GAREM2: variants seen among roughly 807,000 people sequenced by gnomAD.
GAREM2 encodes the protein GRB2 associated regulator of MAPK1 subtype 2.
GAREM2 carries 30 observed loss-of-function variants against 55.6 expected under a neutral mutation model. The observed-to-expected ratio is 0.54, with a 90% CI of 0.40 to 0.73. The LOEUF (loss-of-function observed/expected upper bound fraction) is 0.73, where lower values mean the gene tolerates loss of function less well. Ranked by LOEUF, GAREM2 falls within the 30% of genes least tolerant of loss-of-function variation. GAREM2 has a pLI of 0.00. For missense variants in GAREM2, 1,075 were observed against 1,257.7 expected, an observed-to-expected ratio of 0.85 and a Z score of 2.20; for synonymous variants, 550 against 569.1, an observed-to-expected ratio of 0.97 and a Z score of 0.48.
chr2:26,183,110 C>A lies in GAREM2; in HGVS notation c.384+13C>A. ...CTTCAGCGTCAAGGTCAGTCACTCC[C>A]TCACCAGGTGTGGTGTCCCCACACT... On this transcript the variant is annotated intron_variant, in intron 3 of 5. Coordinates refer to ENST00000401533, the MANE Select transcript of GAREM2 (RefSeq NM_001168241.2). 1 of 1,551,500 alleles carries A rather than the reference C, an allele frequency of 6.4e-7. No individual in the cohort carries two copies. Among genetic ancestry groups the A allele is most frequent in the East Asian group, 2.4e-5 (1 of 40,910 alleles).
the GAREM2 span, among the ~76,000 whole-genome samples, chr2:26,196,905 G>A: frequency 2.0e-5 from 3 of 152,078 alleles, no homozygotes; most frequent in Admixed American, 6.5e-5. Flanking sequence ...TGCCATCATT[G>A]AGCCTGCCTC....
chr2:26,186,034 T>C (rs1009676802), intron 4 of GAREM2, among the ~76,000 whole-genome samples, 155 bp from the exon 5 acceptor site: 27 of 152,226 alleles, frequency 1.8e-4, no homozygotes, highest in African/African-American at 6.0e-4. Context: ...GGTGGCTGGC[T>C]GACTGGATGA....
At chr2:26,200,334 A>T in the GAREM2 span, among the ~76,000 whole-genome samples, 3 of 152,038 alleles carry the variant, frequency 2.0e-5, no homozygotes, top group Admixed American at 2.0e-4. Flanking sequence ...TCATCCCTGA[A>T]TTACTGCTAT....
At chr2:26,189,770 G>A (rs967547088), downstream of GAREM2, 2 of 152,114 alleles carry the variant, frequency 1.3e-5, no homozygotes, top group African/African-American at 4.8e-5. Flanking sequence ...AATGATGTGG[G>A]TGTGTGGCCA....
chr2:26,184,816 G>T lies in GAREM2; in HGVS notation c.968G>T (p.Arg323Leu), dbSNP rs1179753994. The T allele has an allele frequency of 1.3e-6, 2 of 1,489,304 alleles. No homozygotes were observed. The highest frequency in any genetic ancestry group is 1.8e-6 in the Non-Finnish European group (2 of 1,127,544). The allele number at this position is 1,489,304 out of a possible 1,614,324, so 92.3% of individuals were successfully genotyped here. ...TTCCTGCTGCTCACGGACACGCCGC[G>T]CTTCGCGCTGCCGCAGGGCCTGCTG... is the stretch of plus-strand genomic sequence containing the variant. ...LHFLLLTDTP[R>L]FALPQGLLAG... Residue 323 changes from arginine to leucine, a missense_variant, in exon 4 of 6, where the codon CGC becomes CTC. By Grantham distance (102) the Arg-to-Leu change is moderately radical. Around this residue, in one of 6 missense-constraint regions of GAREM2, gnomAD observed 170 missense variants for 220.7 expected, o/e 0.77. Transcript: ENST00000401533.
the GAREM2 span, among the ~76,000 whole-genome samples, chr2:26,197,537 T>C: frequency 6.6e-6 from 1 of 152,226 alleles, no homozygotes; most frequent in African/African-American, 2.4e-5. Context: ...CATCTCACAC[T>C]AGTCATGGTA....
chr2:26,200,616 C>T, the GAREM2 span, among the ~76,000 whole-genome samples: 1 of 152,164 alleles, frequency 6.6e-6, no homozygotes, highest in Non-Finnish European at 1.5e-5. Context: ...TGACAGAGCT[C>T]CTACATGAAT....
In GAREM2 at chr2:26,185,049, C is replaced by A; in HGVS notation, c.1201C>A (p.Pro401Thr). The change falls in exon 4 of 6, where the codon CCC becomes ACC. Residue 401 changes from proline (P) to threonine (T), a missense_variant. By Grantham distance (38) the Pro-to-Thr change is conservative. This residue lies in a region of GAREM2 where 515 missense variants were observed against 501.5 expected (regional missense o/e 1.03). Transcript: ENST00000401533. ...ARAPGPLAPA[P>T]AGEGDQEYVS... is the part of the protein sequence containing the mutation. ...CGCCCCCGGCCCGCTAGCGCCGGCT[C>A]CCGCCGGCGAGGGCGACCAGGAGTA... is the stretch of plus-strand genomic sequence containing the variant. 5 of 1,222,420 alleles carry A rather than the reference C, an allele frequency of 4.1e-6. No homozygotes were observed. The highest frequency in any genetic ancestry group is 4.1e-6 in the Non-Finnish European group (4 of 981,264). 75.7% of individuals were successfully genotyped at this position (1,222,420 alleles called of 1,614,324 possible). A position where few individuals can be genotyped will look rare whatever the true frequency, so the allele number is the denominator to read the frequency against.
downstream of GAREM2, chr2:26,192,460 T>C (rs747258597): frequency 1.8e-6 from 2 of 1,122,112 alleles, no homozygotes; most frequent in Non-Finnish European, 2.7e-6. Flanking sequence ...TTACTATTTG[T>C]TCTCAGGGAG....
Position 26,188,096 on chromosome 2 carries a change from G to C in GAREM2, c.2464G>C (p.Gly822Arg), listed in dbSNP as rs1433036717. 3 of 1,550,326 alleles carry C rather than the reference G, an allele frequency of 1.9e-6. No homozygotes were observed. Among genetic ancestry groups the C allele is most frequent in the Non-Finnish European group, 8.7e-7 (1 of 1,146,298 alleles). ...GGTCTCTCGCAGTCTGCGTTTCATC[G>C]GGCTCTCAGAGGATGTGGTGAGCTT... ...EEVSRSLRFIGLSEDVVSFFA... is the reference protein window; with the variant it reads ...EEVSRSLRFIRLSEDVVSFFA... Residue 822 changes from glycine (G) to arginine (R), a missense_variant, in exon 6 of 6, where the codon GGG becomes CGG. Gly to Arg is a moderately radical substitution (Grantham distance 125). Around this residue, in one of 6 missense-constraint regions of GAREM2, gnomAD observed 142 missense variants for 172.3 expected, o/e 0.82. Coordinates refer to ENST00000401533, the MANE Select transcript of GAREM2 (RefSeq NM_001168241.2).
downstream of GAREM2, chr2:26,190,664 C>T (rs749568626): frequency 2.4e-4 from 39 of 161,534 alleles, no homozygotes; most frequent in Admixed American, 4.0e-4. Flanking sequence ...TTTAATATCC[C>T]GGTACACCGT....
chr2:26,190,161 C>G (rs752336128), downstream of GAREM2, among the ~76,000 whole-genome samples: 8 of 152,216 alleles, frequency 5.3e-5, no homozygotes, highest in Non-Finnish European at 7.3e-5. Context: ...CCTTGCCTGC[C>G]AGTCCCAGCT....
chr2:26,202,665 C>T, the GAREM2 span, among the ~76,000 whole-genome samples: 37 of 152,298 alleles, frequency 2.4e-4, no homozygotes, highest in South Asian at 8.3e-4. Context: ...CGCTTGAACC[C>T]GGGAGGCAGA....
downstream of GAREM2, among the ~76,000 whole-genome samples, chr2:26,193,093 CCT>C (rs1669558831): frequency 6.6e-6 from 1 of 152,064 alleles, no homozygotes; most frequent in South Asian, 2.1e-4. Context: ...TATACATTCT[CCT>C]CACAGGTGGC....
chr2:26,182,265 A>G (rs1558306721), intron 2 of GAREM2: 2 of 1,430,450 alleles, frequency 1.4e-6, no homozygotes, highest in East Asian at 5.1e-5. Context: ...ACGCAGCCCC[A>G]GACTGCAGGT....
intron 2 of GAREM2, chr2:26,180,974 C>T: frequency 1.0e-6 from 1 of 985,542 alleles, no homozygotes; most frequent in Non-Finnish European, 1.2e-6. Context: ...GAGTCCCTTC[C>T]TTCCCCACCT....
the GAREM2 span, among the ~76,000 whole-genome samples, chr2:26,202,124 G>C: frequency 6.6e-6 from 1 of 152,108 alleles, no homozygotes; most frequent in Non-Finnish European, 1.5e-5. Flanking sequence ...CTAAAGAACA[G>C]AGACCAAGCA....
In GAREM2 at chr2:26,176,313, C is replaced by T. The variant is rs776185018; in HGVS notation, c.113-31C>T. ...CCTTCTAATGTCCTGTCTTCCTTCC[C>T]CTCATCCTCTGTCCTCCTCCCCCTT... On this transcript the variant is annotated intron_variant, in intron 1 of 5. Coordinates refer to ENST00000401533, the MANE Select transcript of GAREM2 (RefSeq NM_001168241.2). The T allele has an allele frequency of 6.0e-6, 9 of 1,498,292 alleles. No individual in the cohort carries two copies. The African/African-American group carries it at 7.0e-5, about 12-fold the overall frequency. 92.8% of individuals were successfully genotyped at this position (1,498,292 alleles called of 1,614,324 possible).
downstream of GAREM2, among the ~76,000 whole-genome samples, chr2:26,192,103 A>C (rs1365199713): frequency 6.6e-6 from 1 of 152,172 alleles, no homozygotes; most frequent in Non-Finnish European, 1.5e-5. Context: ...CCATGCCAGC[A>C]TCAGGAGTGG....
Sources: allele counts gnomAD v4.1 joint callset (sites outside exome capture counted in the v4.1 genomes callset), GRCh38; gene constraint gnomAD v4.1.1; regional missense constraint gnomAD v4.1.1; transcripts MANE v1.5; gene names NCBI Gene and HGNC (gene_info 2026-07-23, HGNC 2026-07-21).